CFAP20DC: variants seen among roughly 807,000 people sequenced by gnomAD.
CFAP20DC encodes CFAP20 domain containing.
CFAP20DC carries 84 observed loss-of-function variants against 101.7 expected under a neutral mutation model. The ratio of observed to expected loss-of-function variants is 0.83; its 90% CI spans 0.69 to 0.99. CFAP20DC has a LOEUF of 0.99. Ranked by LOEUF, CFAP20DC falls within the 50% of genes least tolerant of loss-of-function variation. The pLI, the probability that CFAP20DC is intolerant of heterozygous loss-of-function variation, is 0.00. For synonymous variants in CFAP20DC, 359 were observed against 351.2 expected (o/e 1.02, Z -0.25); for missense variants, 1,007 against 970.3 (o/e 1.04, Z -0.50).
chr3:58,821,690 GT>G (rs1448689944), intron 14 of CFAP20DC, among the ~76,000 whole-genome samples: 2 of 151,746 alleles, frequency 1.3e-5, no homozygotes, highest in African/African-American at 4.8e-5. Flanking sequence ...CTTTTACACT[GT>G]TGCTGGGACT....
chr3:58,797,093 C>T (rs534068991), intron 15 of CFAP20DC, among the ~76,000 whole-genome samples: 32 of 152,246 alleles, frequency 2.1e-4, no homozygotes, highest in African/African-American at 7.5e-4. Flanking sequence ...GATAATAACC[C>T]TACAGTGGAC....
intron 15 of CFAP20DC, among the ~76,000 whole-genome samples, chr3:58,805,418 T>C (rs2073985475): frequency 6.6e-6 from 1 of 152,200 alleles, no homozygotes; most frequent in Non-Finnish European, 1.5e-5. Context: ...GCCCCGTATC[T>C]TACTTAACAA....
At position 58,861,417 on chromosome 3, in the gene CFAP20DC, A is replaced by G. The variant is rs1365371959; in HGVS notation, c.1593+2141T>C. On this transcript the variant is annotated intron_variant, in intron 12 of 16. Coordinates refer to ENST00000482387, the MANE Select transcript of CFAP20DC (RefSeq NM_001394063.1). The surrounding 1 kb of genome is among the most constrained non-coding windows in gnomAD (Gnocchi z 4.0). ...AAGGATGCCTTAATTAACTAAACTG[A>G]TTTTTCTTCAAAGACTATATGTAAA... The G allele has an allele frequency of 4.8e-6, 4 of 837,358 alleles. No individual in the cohort carries two copies. The highest frequency in any genetic ancestry group is 5.8e-6 in the Non-Finnish European group (4 of 695,270). 51.9% of individuals were successfully genotyped at this position (837,358 alleles called of 1,614,324 possible).
At chr3:58,812,349 T>C (rs925055116) in intron 14 of CFAP20DC, among the ~76,000 whole-genome samples, 2 of 152,116 alleles carry the variant, frequency 1.3e-5, no homozygotes, top group African/African-American at 4.8e-5. Flanking sequence ...TTGTGGCACA[T>C]AAACACCATG....
chr3:58,782,624 C>T (rs986310040), intron 15 of CFAP20DC, among the ~76,000 whole-genome samples: 15 of 152,084 alleles, frequency 9.9e-5, no homozygotes, highest in Middle Eastern at 3.4e-3. Context: ...CATTTCTATA[C>T]ACCAATAATG....
intron 4 of CFAP20DC, among the ~76,000 whole-genome samples, chr3:58,961,291 C>T (rs189230486): frequency 1.6e-4 from 24 of 152,234 alleles, no homozygotes; most frequent in African/African-American, 4.8e-4. Flanking sequence ...CGGTGGCTCA[C>T]GCCTGTAATC....
rs144413147 is a variant in CFAP20DC, at chr3:58,967,888, T to A, written c.279-30126A>T. 5.7e-3 allele frequency among the ~76,000 whole-genome samples: 861 copies of A among 152,242 alleles called. 8 individuals are homozygous for A. The highest frequency in any genetic ancestry group is 0.019 in the African/African-American group (803 of 41,548). On this transcript the variant is annotated intron_variant, in intron 4 of 16. Transcript: ENST00000482387. Reference sequence around the variant, plus strand: ...CCCTCCACCCTCAAGTAGACCCCAGTGTCTGTTGTTTCCTTCTTTGTGTTC... The same window carrying A: ...CCCTCCACCCTCAAGTAGACCCCAGAGTCTGTTGTTTCCTTCTTTGTGTTC...
chr3:58,931,026 G>A (rs1238078421), intron 5 of CFAP20DC, among the ~76,000 whole-genome samples: 1 of 152,162 alleles, frequency 6.6e-6, no homozygotes, highest in Non-Finnish European at 1.5e-5. Context: ...TAAAAGAAAG[G>A]GGTGACAAAT....
intron 6 of CFAP20DC, among the ~76,000 whole-genome samples, chr3:58,907,034 T>C (rs930422334): frequency 6.6e-6 from 1 of 152,168 alleles, no homozygotes; most frequent in Non-Finnish European, 1.5e-5. Flanking sequence ...TCATTTTCAC[T>C]AGTCTATGGT....
rs1263474982 is a variant in CFAP20DC, at chr3:58,753,785, T to A, written c.2316A>T (p.Glu772Asp). The A allele has an allele frequency of 6.2e-7, 1 of 1,612,150 alleles. No homozygotes were observed. Among genetic ancestry groups the A allele is most frequent in the Non-Finnish European group, 8.5e-7 (1 of 1,178,806 alleles). ...TAGTCCCACCTTGAACACTCAAACT[T>A]TCACAGGAATCTGGACGCTGCTCAG... ...QPAEQRPDSC[E>D]SLSVQGEEDL... The change falls in exon 16 of 17, where the codon GAA becomes GAT. Residue 772 changes from glutamate to aspartate, a missense_variant. Coordinates refer to ENST00000482387, the MANE Select transcript of CFAP20DC (RefSeq NM_001394063.1).
At chr3:58,765,491 A>C (rs1385222476) in intron 15 of CFAP20DC, among the ~76,000 whole-genome samples, 34 of 103,414 alleles carry the variant, frequency 3.3e-4, no homozygotes, top group Admixed American at 1.2e-3. Context: ...AAAAAAAACC[A>C]AAAAAAAAAA....
chr3:58,915,785 C>A (rs2084637334), intron 5 of CFAP20DC, among the ~76,000 whole-genome samples: 1 of 152,118 alleles, frequency 6.6e-6, no homozygotes. Flanking sequence ...AAATACAGTT[C>A]TTTGTCACCC....
intron 15 of CFAP20DC, among the ~76,000 whole-genome samples, chr3:58,765,882 T>C (rs1483958233): frequency 3.3e-5 from 5 of 152,174 alleles, no homozygotes; most frequent in Non-Finnish European, 4.4e-5. Context: ...GACTAGGAGA[T>C]AGCTCATTTT....
chr3:58,797,244 G>A (rs1432325299), intron 15 of CFAP20DC, among the ~76,000 whole-genome samples: 1 of 152,104 alleles, frequency 6.6e-6, no homozygotes, highest in Non-Finnish European at 1.5e-5. Flanking sequence ...AGCTAAGATG[G>A]GAATGCAAAG....
intron 4 of CFAP20DC, among the ~76,000 whole-genome samples, chr3:58,972,791 T>C (rs1195136310): frequency 6.6e-6 from 1 of 152,172 alleles, no homozygotes; most frequent in Non-Finnish European, 1.5e-5. Context: ...ACACGAGTTA[T>C]ATTTGTGCCA....
downstream of CFAP20DC, among the ~76,000 whole-genome samples, chr3:58,716,323 G>A (rs1363159770): frequency 6.6e-6 from 1 of 151,118 alleles, no homozygotes; most frequent in Non-Finnish European, 1.5e-5. Flanking sequence ...CACCACGCCC[G>A]GCTAATTTTT....
chr3:58,748,482 T>C (rs976160612), intron 16 of CFAP20DC, among the ~76,000 whole-genome samples: 2 of 152,054 alleles, frequency 1.3e-5, no homozygotes, highest in Non-Finnish European at 2.9e-5. Flanking sequence ...CTCTTGATAC[T>C]AGTGAGGCAC....
At chr3:58,935,623 A>G (rs1423049268) in intron 5 of CFAP20DC, among the ~76,000 whole-genome samples, 2 of 152,190 alleles carry the variant, frequency 1.3e-5, no homozygotes, top group African/African-American at 4.8e-5. Context: ...AACGCCGCAT[A>G]TCTACAACTA....
chr3:58,966,937 C>T (rs1489946802), intron 4 of CFAP20DC, among the ~76,000 whole-genome samples: 1 of 151,744 alleles, frequency 6.6e-6, no homozygotes, highest in Non-Finnish European at 1.5e-5. Context: ...ATGACAATAC[C>T]CCCCACTCCA....
Sources: gnomAD v4.1 joint callset for allele counts (sites outside exome capture counted in the v4.1 genomes callset) on GRCh38, gnomAD v4.1.1 for gene constraint, Gnocchi (gnomAD v3.1) non-coding constraint, MANE v1.5 for transcripts, NCBI Gene and HGNC (gene_info 2026-07-23, HGNC 2026-07-21) for gene names.